AGPS: variants seen among roughly 807,000 people sequenced by gnomAD.
AGPS encodes the protein alkylglycerone phosphate synthase.
AGPS carries 26 observed loss-of-function variants against 90.7 expected under a neutral mutation model. That is an observed-to-expected ratio of 0.29 (90% CI 0.21 to 0.40). The LOEUF is 0.40. Among genes scored for constraint, AGPS ranks in the 10% least tolerant of loss-of-function variants. The pLI is 1.00. For synonymous variants in AGPS, 294 were observed against 285.3 expected, an observed-to-expected ratio of 1.03 and a Z score of -0.31; for missense variants, 540 against 816.1, an observed-to-expected ratio of 0.66 and a Z score of 4.12.
intron 1 of AGPS, among the ~76,000 whole-genome samples, chr2:177,413,147 A>G (rs945014172): frequency 2.6e-5 from 4 of 152,174 alleles, no homozygotes; most frequent in Admixed American, 6.5e-5. Flanking sequence ...AGGGAACCCA[A>G]AGGGGGTTGC....
At chr2:177,510,840 G>A (rs936871074) in intron 16 of AGPS, among the ~76,000 whole-genome samples, 3 of 151,998 alleles carry the variant, frequency 2.0e-5, no homozygotes, top group Admixed American at 6.6e-5. Flanking sequence ...ATGGGATCAC[G>A]GTCTTTTAAC....
intron 5 of AGPS, 57 bp downstream of exon 5, chr2:177,437,111 T>A: frequency 6.6e-7 from 1 of 1,509,928 alleles, no homozygotes. Context: ...TAGGTAAATT[T>A]AACATTGGAA....
intron 10 of AGPS, among the ~76,000 whole-genome samples, chr2:177,475,706 TGA>T (rs1044417681): frequency 1.3e-5 from 2 of 152,232 alleles, no homozygotes; most frequent in African/African-American, 4.8e-5. Context: ...CATTCATTAC[TGA>T]GATTGTTTCC....
In AGPS at chr2:177,499,665, T is replaced by G. The variant is rs753257258; in HGVS notation, c.1410T>G (p.Phe470Leu). The G allele has an allele frequency of 6.2e-7, 1 of 1,612,416 alleles. No homozygotes were observed. The highest frequency in any genetic ancestry group is 8.5e-7 in the Non-Finnish European group (1 of 1,178,914). Residue 470 changes from phenylalanine to leucine, a missense_variant, in exon 14 of 20, where the codon TTT becomes TTG. By Grantham distance (22) the Phe-to-Leu change is conservative. Around this residue, in one of 2 missense-constraint regions of AGPS, gnomAD observed 405 missense variants for 692.1 expected, o/e 0.59. Coordinates refer to ENST00000264167, the MANE Select transcript of AGPS (RefSeq NM_003659.4). ...AGCTAAGTGTAGCCACATTACTGTT[T>G]GAGGGGGATCGTGAGAAGGTTCTTC... ...PNQLSVATLL[F>L]EGDREKVLQH...
At chr2:177,448,055 A>AAAG (rs1686828706) in intron 8 of AGPS, among the ~76,000 whole-genome samples, 1 of 152,126 alleles carries the variant, frequency 6.6e-6, no homozygotes, top group East Asian at 1.9e-4. Flanking sequence ...TTATTGGTTA[A>AAAG]TAGTCTGAGG....
chr2:177,505,577 T>C lies in AGPS; in HGVS notation c.1545+2T>C, dbSNP rs758679220. 6.2e-7 allele frequency: 1 copy of C among 1,608,780 alleles called. No individual in the cohort carries two copies. Among genetic ancestry groups the C allele is most frequent in the Non-Finnish European group, 8.5e-7 (1 of 1,175,886 alleles). On this transcript the variant is annotated splice_donor_variant, in intron 15 of 19. Coordinates refer to ENST00000264167, the MANE Select transcript of AGPS (RefSeq NM_003659.4). LOFTEE classifies it high-confidence loss of function. ...ACCTATGTTATTGCATACATTCGAG[T>C]AAGTTATATCATATTTCCCTTGCCA...
At chr2:177,426,186 C>G (rs913104756) in intron 2 of AGPS, among the ~76,000 whole-genome samples, 1 of 152,108 alleles carries the variant, frequency 6.6e-6, no homozygotes, top group Non-Finnish European at 1.5e-5. Context: ...TGATTTGGCT[C>G]TCTTCTTGCC....
intron 1 of AGPS, among the ~76,000 whole-genome samples, chr2:177,412,408 T>C: frequency 6.6e-6 from 1 of 152,020 alleles, no homozygotes; most frequent in East Asian, 1.9e-4. Context: ...CCCAGGAAAA[T>C]TGAAAGCGCA....
At chr2:177,510,593 T>C (rs550543179) in intron 16 of AGPS, among the ~76,000 whole-genome samples, 6 of 152,290 alleles carry the variant, frequency 3.9e-5, no homozygotes, top group Admixed American at 2.0e-4. Context: ...TTTTTTTTTG[T>C]TTTTCATCTA....
chr2:177,410,272 T>C (rs1049950662), intron 1 of AGPS, among the ~76,000 whole-genome samples: 7 of 152,160 alleles, frequency 4.6e-5, no homozygotes, highest in Non-Finnish European at 1.0e-4. Context: ...TATTTCCCTT[T>C]CGTTTCCTTT....
chr2:177,424,659 C>T (rs1462194010), intron 2 of AGPS, among the ~76,000 whole-genome samples: 1 of 152,208 alleles, frequency 6.6e-6, no homozygotes, highest in African/African-American at 2.4e-5. Context: ...TTTGAGGAAT[C>T]ACCACACTGT....
At chr2:177,475,315 G>A (rs1687748741) in intron 10 of AGPS, among the ~76,000 whole-genome samples, 1 of 152,102 alleles carries the variant, frequency 6.6e-6, no homozygotes, top group South Asian at 2.1e-4. Flanking sequence ...AGAAAGAGTA[G>A]GTGTGGTAGA....
chr2:177,467,733 T>C (rs1687497066), intron 9 of AGPS, among the ~76,000 whole-genome samples: 1 of 152,190 alleles, frequency 6.6e-6, no homozygotes, highest in Non-Finnish European at 1.5e-5. Flanking sequence ...TGTTGTTATT[T>C]ATCGGTCCAA....
At chr2:177,408,627 C>T (rs939732611) in intron 1 of AGPS, among the ~76,000 whole-genome samples, 5 of 152,106 alleles carry the variant, frequency 3.3e-5, no homozygotes, top group Admixed American at 2.6e-4. Flanking sequence ...CCACTTTGCC[C>T]TCTTGCTGCC....
chr2:177,457,188 A>G (rs1687143914), intron 8 of AGPS, among the ~76,000 whole-genome samples: 1 of 152,254 alleles, frequency 6.6e-6, no homozygotes, highest in Admixed American at 6.5e-5. Flanking sequence ...GACACATTTA[A>G]AGCAGTGTGT....
intron 5 of AGPS, among the ~76,000 whole-genome samples, chr2:177,439,145 A>G (rs978936622): frequency 1.3e-5 from 2 of 152,234 alleles, no homozygotes; most frequent in African/African-American, 4.8e-5. Context: ...CATTATTTTC[A>G]GTGGCTTAAA....
intron 18 of AGPS, among the ~76,000 whole-genome samples, chr2:177,523,362 A>G (rs1222607132): frequency 2.0e-5 from 3 of 152,198 alleles, no homozygotes; most frequent in Non-Finnish European, 2.9e-5. Flanking sequence ...TGGTACACTT[A>G]TAGGAAGCAG....
chr2:177,487,048 G>A (rs563018244), intron 11 of AGPS, among the ~76,000 whole-genome samples: 1 of 152,210 alleles, frequency 6.6e-6, no homozygotes, highest in African/African-American at 2.4e-5. Flanking sequence ...TTTTTAATCA[G>A]CATATCAGTG....
In AGPS at chr2:177,532,593, C is replaced by T. The variant is rs200971525; in HGVS notation, c.1856-5481C>T. ...CTGAACATGTAATCACCACTCAACC[C>T]AGCAAATGCACATGTGAGCATTTGT... On this transcript the variant is annotated intron_variant, in intron 19 of 19. Coordinates refer to ENST00000264167, the MANE Select transcript of AGPS (RefSeq NM_003659.4). Among the ~76,000 whole-genome samples the T allele has an allele frequency of 7.9e-5, 12 of 152,254 alleles. 1 individual carries two copies. The East Asian group carries it at 1.4e-3, about 17-fold the overall frequency.
Sources: gnomAD v4.1 joint callset for allele counts (sites outside exome capture counted in the v4.1 genomes callset) on GRCh38, gnomAD v4.1.1 for gene constraint, gnomAD v4.1.1 regional missense constraint, MANE v1.5 for transcripts, NCBI Gene and HGNC (gene_info 2026-07-23, HGNC 2026-07-21) for gene names.